Variants in UHRF1 observed in about 807,000 individuals in gnomAD.
UHRF1 encodes E3 ubiquitin-protein ligase UHRF1.
A neutral mutation model predicts 96.5 loss-of-function variants in UHRF1; 9 were observed. That is an observed-to-expected ratio of 0.09 (90% confidence interval 0.06 to 0.16). UHRF1 has a LOEUF of 0.16. Among genes scored for constraint, UHRF1 ranks in the 10% least tolerant of loss-of-function variants. The pLI is 1.00. For missense variants in UHRF1, 626 were observed against 1,131.1 expected, an observed-to-expected ratio of 0.55 and a Z score of 6.40; for synonymous variants, 455 against 469.9, an observed-to-expected ratio of 0.97 and a Z score of 0.41.
intron 2 of UHRF1, among the ~76,000 whole-genome samples, chr19:4,913,560 C>T (rs1280310763): frequency 6.6e-6 from 1 of 151,956 alleles, no homozygotes; most frequent in East Asian, 1.9e-4. Context: ...CAGCCACGTA[C>T]ATTGTGCTTT....
In UHRF1 at chr19:4,930,894, G is replaced by T. The variant is rs776207612; in HGVS notation, c.569+18G>T. Reference sequence around the variant, plus strand: ...TACGACGAGTGAGTCATGGCAGGTGGGCGGGCCTGGGTATTCAGGCTCTGT... The same window carrying T: ...TACGACGAGTGAGTCATGGCAGGTGTGCGGGCCTGGGTATTCAGGCTCTGT... On this transcript the variant is annotated intron_variant, in intron 4 of 16. Transcript: ENST00000650932. This position sits in a 1 kb window ranked among gnomAD's most constrained non-coding sequence, Gnocchi z 4.4. 1 of 1,613,222 alleles carries T rather than the reference G, an allele frequency of 6.2e-7. No individual in the cohort carries two copies. Among genetic ancestry groups the T allele is most frequent in the Non-Finnish European group, 8.5e-7 (1 of 1,179,502 alleles).
chr19:4,921,149 C>T (rs1000786867), intron 2 of UHRF1, among the ~76,000 whole-genome samples: 4 of 147,908 alleles, frequency 2.7e-5, no homozygotes, highest in South Asian at 2.2e-4. Context: ...GAAAGAAAAT[C>T]GGCCAGGATG....
At chr19:4,948,120 A>AAAACC (rs2033622479) in intron 11 of UHRF1, among the ~76,000 whole-genome samples, 1 of 148,494 alleles carries the variant, frequency 6.7e-6, no homozygotes, top group African/African-American at 2.5e-5. Context: ...AAAAAAAAAA[A>AAAACC]CCCCTCCAAA....
intron 10 of UHRF1, 28 bp downstream of exon 10, chr19:4,945,993 G>GGGGC: frequency 1.1e-6 from 1 of 897,256 alleles, no homozygotes; most frequent in Non-Finnish European, 1.8e-6. Flanking sequence ...AGGGGTGGGG[G>GGGGC]AGGGTTGCTC....
intron 4 of UHRF1, 24 bp from the exon 5 acceptor site, chr19:4,932,717 C>T (rs1255290788): frequency 6.2e-7 from 1 of 1,612,116 alleles, no homozygotes; most frequent in Middle Eastern, 1.7e-4. Context: ...AGCACGGGGT[C>T]TAAGGCCCGG....
chr19:4,933,964 TGTGTGTGC>T (rs778881729), intron 5 of UHRF1, among the ~76,000 whole-genome samples: 25,721 of 107,916 alleles, frequency 0.24, 2,362 homozygotes, highest in South Asian at 0.32. Context: ...TCTTTGTGTG[TGTGTGTGC>T]GTGTGTGTGT....
Position 4,956,791 on chromosome 19 carries a change from T to C in UHRF1, c.2213T>C (p.Val738Ala). ...QELVFRPITTVCQHNVCKDCL... is the reference protein window; with the variant it reads ...QELVFRPITTACQHNVCKDCL... ...CTGGTGTTCCGGCCCATCACGACCG[T>C]GTGCCAGCACAACGTGTGCAAGGTG... is the stretch of plus-strand genomic sequence containing the variant. The change falls in exon 16 of 17, where the codon GTG becomes GCG. Residue 738 changes from valine (V) to alanine (A), a missense_variant. By Grantham distance (64) the Val-to-Ala change is moderately conservative. Around this residue, in one of 11 missense-constraint regions of UHRF1, gnomAD observed 84 missense variants for 150.3 expected, o/e 0.56. Coordinates refer to ENST00000650932, the MANE Select transcript of UHRF1 (RefSeq NM_001048201.3). The C allele has an allele frequency of 6.2e-7, 1 of 1,609,482 alleles. No homozygotes were observed.
Position 4,911,131 on chromosome 19 carries a change from C to G in UHRF1, c.153+93C>G, listed in dbSNP as rs538354170. The G allele has an allele frequency of 1.4e-4, 175 of 1,263,776 alleles. 1 individual carries two copies. In the African/African-American group the frequency reaches 2.2e-3, roughly 16 times the overall value. The allele number at this position is 1,263,776 out of a possible 1,614,324, so 78.3% of individuals were successfully genotyped here. On this transcript the variant is annotated intron_variant, in intron 2 of 16. Coordinates refer to ENST00000650932, the MANE Select transcript of UHRF1 (RefSeq NM_001048201.3). ...GATACTTTCTCCCTCCCACCTCCCC[C>G]CCCAACAACCTCGTCCGGTCCCACT...
chr19:4,907,417 G>C (rs370197135), upstream of UHRF1, among the ~76,000 whole-genome samples: 29 of 151,146 alleles, frequency 1.9e-4, no homozygotes, highest in African/African-American at 7.0e-4. Context: ...TACAGGCGCC[G>C]GCCACCACAC....
chr19:4,927,585 A>G (rs1206832452), intron 2 of UHRF1, among the ~76,000 whole-genome samples: 1 of 152,114 alleles, frequency 6.6e-6, no homozygotes, highest in Non-Finnish European at 1.5e-5. Flanking sequence ...CATTCTATGT[A>G]TGTCTCTCTC....
exon 1 of UHRF1, chr19:4,903,242 T>A: frequency 5.3e-6 from 1 of 187,388 alleles, no homozygotes; most frequent in Non-Finnish European, 1.1e-5. Flanking sequence ...ATGGTCTCGA[T>A]CTCCTGACCT....
intron 13 of UHRF1, among the ~76,000 whole-genome samples, chr19:4,952,161 C>T (rs895157275): frequency 5.4e-5 from 8 of 148,360 alleles, no homozygotes; most frequent in South Asian, 2.2e-4. Context: ...GGTGGGATCT[C>T]GGCTCTCTGC....
chr19:4,962,102 C>T lies in UHRF1; in HGVS notation c.*1299C>T, dbSNP rs2034001350. 6.7e-6 allele frequency: 1 copy of T among 148,954 alleles called. No individual in the cohort carries two copies. The highest frequency in any genetic ancestry group is 2.4e-5 in the African/African-American group (1 of 41,212). The allele number at this position is 148,954 out of a possible 1,614,324, so 9.2% of individuals were successfully genotyped here. A position where few individuals can be genotyped will look rare whatever the true frequency, so the allele number is the denominator to read the frequency against. ...TTTTGTGTAGGCTTTTTCTAAAGTC[C>T]AGTACTTTGTCCAGATTTTAGATTC... On this transcript the variant is annotated 3_prime_UTR_variant, in exon 17 of 17. Transcript: ENST00000650932.
chr19:4,947,519 T>TTTTTTTTG (rs1568428019), intron 11 of UHRF1, among the ~76,000 whole-genome samples: 2 of 132,128 alleles, frequency 1.5e-5, no homozygotes, highest in African/African-American at 5.8e-5. Context: ...TTTTTTTTTT[T>TTTTTTTTG]GGGCAGAGTC....
intron 2 of UHRF1, among the ~76,000 whole-genome samples, chr19:4,925,310 G>A (rs781082855): frequency 6.2e-4 from 94 of 151,886 alleles, no homozygotes; most frequent in Non-Finnish European, 1.1e-3. Flanking sequence ...ATCTCCTCCC[G>A]CAGCCCCTGG....
At chr19:4,960,580 A>G (rs2145232375) in intron 16 of UHRF1, 77 bp from the exon 17 acceptor site, 1 of 1,563,064 alleles carries the variant, frequency 6.4e-7, no homozygotes, top group South Asian at 1.2e-5. Flanking sequence ...GACTGTCCCC[A>G]CAGTCCTGGG....
At chr19:4,906,471 C>T (rs1008720688), upstream of UHRF1, among the ~76,000 whole-genome samples, 3 of 152,044 alleles carry the variant, frequency 2.0e-5, no homozygotes, top group African/African-American at 7.2e-5. Context: ...AATGCATGCC[C>T]AGCCAATCAC....
At chr19:4,942,895 G>A (rs944743586) in intron 7 of UHRF1, among the ~76,000 whole-genome samples, 4 of 152,072 alleles carry the variant, frequency 2.6e-5, no homozygotes, top group African/African-American at 7.2e-5. Context: ...CTGTGATCGC[G>A]CCACTGTACT....
intron 3 of UHRF1, 141 bp downstream of exon 3, chr19:4,929,617 C>T (rs1038390126): frequency 3.3e-6 from 4 of 1,203,852 alleles, no homozygotes; most frequent in Non-Finnish European, 3.4e-6. Context: ...GGGTGGTTTC[C>T]TGCACGTTCC....
Sources: gnomAD v4.1 joint callset for allele counts (sites outside exome capture counted in the v4.1 genomes callset) on GRCh38, gnomAD v4.1.1 for gene constraint, gnomAD v4.1.1 regional missense constraint, Gnocchi (gnomAD v3.1) non-coding constraint, MANE v1.5 for transcripts, NCBI Gene and HGNC (gene_info 2026-07-23, HGNC 2026-07-21) for gene names.